The following FIBCD1 variants were observed in gnomAD, a reference collection of about 807,000 sequenced individuals.
FIBCD1 encodes the protein fibrinogen C domain-containing protein 1.
A neutral mutation model predicts 45.1 loss-of-function variants in FIBCD1; 47 were observed. The ratio of observed to expected loss-of-function variants is 1.04; its 90% CI spans 0.82 to 1.33. FIBCD1 has a LOEUF of 1.33. Ranked by LOEUF, FIBCD1 falls within the 40% of genes most tolerant of loss-of-function variation. The pLI is 0.00. For missense variants in FIBCD1, 653 were observed against 682.2 expected (o/e 0.96, Z 0.48); for synonymous variants, 313 against 308.1 (o/e 1.02, Z -0.17).
At chr9:130,914,771 C>T (rs892035910) in intron 4 of FIBCD1, among the ~76,000 whole-genome samples, 2 of 152,174 alleles carry the variant, frequency 1.3e-5, no homozygotes, top group Admixed American at 6.5e-5. Flanking sequence ...ATTTACGTAA[C>T]TCGCCAGACC....
At chr9:130,920,526 A>G (rs552186056) in intron 4 of FIBCD1, among the ~76,000 whole-genome samples, 28 of 152,274 alleles carry the variant, frequency 1.8e-4, no homozygotes, top group African/African-American at 6.3e-4. Flanking sequence ...AAGCATTTAG[A>G]GAGTGCCGAG....
intron 4 of FIBCD1, among the ~76,000 whole-genome samples, chr9:130,912,089 T>C (rs1052054752): frequency 6.6e-5 from 10 of 151,844 alleles, no homozygotes; most frequent in African/African-American, 2.4e-4. Context: ...AGCCTCATGG[T>C]GGCTCGAGGT....
chr9:130,933,708 T>C, intron 1 of FIBCD1: 3 of 5,272 alleles, frequency 5.7e-4, no homozygotes, highest in Non-Finnish European at 1.0e-3. Flanking sequence ...TTGGGGGTTC[T>C]GGGGAAGCGG....
chr9:130,937,818 G>A (rs1234597164), intron 1 of FIBCD1, among the ~76,000 whole-genome samples: 1 of 152,030 alleles, frequency 6.6e-6, no homozygotes, highest in East Asian at 1.9e-4. Flanking sequence ...CGCTTCCACC[G>A]CACAGCCCTG....
chr9:130,905,589 G>A (rs1831913760), intron 5 of FIBCD1, among the ~76,000 whole-genome samples, 176 bp from the exon 6 acceptor site: 1 of 152,232 alleles, frequency 6.6e-6, no homozygotes, highest in Admixed American at 6.5e-5. Context: ...TGTTGGGCAA[G>A]CCACTGAGGA....
At chr9:130,919,793 G>A (rs1832227637) in intron 4 of FIBCD1, among the ~76,000 whole-genome samples, 2 of 152,216 alleles carry the variant, frequency 1.3e-5, no homozygotes, top group Non-Finnish European at 2.9e-5. Flanking sequence ...GAGCGGAGCA[G>A]GTAGGTATGG....
At chr9:130,915,868 C>T (rs960265809) in intron 4 of FIBCD1, among the ~76,000 whole-genome samples, 3 of 152,178 alleles carry the variant, frequency 2.0e-5, no homozygotes, top group Non-Finnish European at 4.4e-5. Context: ...ATGCAGCCGA[C>T]GTCACCACAC....
rs1391025362 is a variant in FIBCD1 at position 130,922,844 on chromosome 9, G to A, written c.849+900C>T. 6.6e-6 allele frequency among the ~76,000 whole-genome samples: 1 copy of A among 152,092 alleles called. No individual in the cohort carries two copies. Among genetic ancestry groups the A allele is most frequent in the Non-Finnish European group, 1.5e-5 (1 of 68,012 alleles). ...CAGATGTTCCCTGGTAGCCGCGTTAGGTTGCCCCCTCCTCCTGGAATACCT... is the reference window on the plus strand; with the variant it reads ...CAGATGTTCCCTGGTAGCCGCGTTAAGTTGCCCCCTCCTCCTGGAATACCT... On this transcript the variant is annotated intron_variant, in intron 4 of 6. Coordinates refer to ENST00000372338, the MANE Select transcript of FIBCD1 (RefSeq NM_032843.5). The surrounding 1 kb of genome is among the most constrained non-coding windows in gnomAD (Gnocchi z 4.5).
Position 130,905,382 on chromosome 9 carries a change from C to T in FIBCD1, c.978G>A (p.Gln326=). ...GLKRIHALTT[Q]AAYELHVDLE... is the part of the protein sequence containing the mutation. ...GGTCCACGTGCAGCTCGTAGGCAGC[C>T]TGTGTGGTCAGGGCGTGGATCCTCT... The change falls in exon 6 of 7, where the codon CAG becomes CAA. Residue 326 remains glutamine, a synonymous_variant. Transcript: ENST00000372338. 1 of 1,613,934 alleles carries T rather than the reference C, an allele frequency of 6.2e-7. No homozygotes were observed. Among genetic ancestry groups the T allele is most frequent in the Non-Finnish European group, 8.5e-7 (1 of 1,179,938 alleles).
chr9:130,918,327 G>A (rs563723121), intron 4 of FIBCD1, among the ~76,000 whole-genome samples: 1 of 152,212 alleles, frequency 6.6e-6, no homozygotes, highest in Non-Finnish European at 1.5e-5. Context: ...GGAACATTAA[G>A]CAGAGCCTTG....
chr9:130,906,329 G>C (rs1004800422), intron 5 of FIBCD1, among the ~76,000 whole-genome samples: 30 of 152,144 alleles, frequency 2.0e-4, no homozygotes, highest in Non-Finnish European at 4.3e-4. Context: ...TAGTAGCAGC[G>C]AGTGGTATTC....
rs1831864466 is a variant in FIBCD1 at position 130,903,116 on chromosome 9, C to G, written c.*948G>C. Reference sequence around the variant, plus strand: ...GGCCCTCCTGGGAGGCCTCAGGACCCTGGAGTCCCTGGGAAATTGGTGGTG... The same window carrying G: ...GGCCCTCCTGGGAGGCCTCAGGACCGTGGAGTCCCTGGGAAATTGGTGGTG... On this transcript the variant is annotated 3_prime_UTR_variant, in exon 7 of 7. Coordinates refer to ENST00000372338, the MANE Select transcript of FIBCD1 (RefSeq NM_032843.5). The G allele has an allele frequency of 6.6e-6, 1 of 152,446 alleles. No individual in the cohort carries two copies. Among genetic ancestry groups the G allele is most frequent in the Admixed American group, 6.5e-5 (1 of 15,300 alleles). The allele number at this position is 152,446 out of a possible 1,614,324, so 9.4% of individuals were successfully genotyped here.
At chr9:130,928,092 G>A (rs1832387499) in intron 2 of FIBCD1, among the ~76,000 whole-genome samples, 1 of 152,224 alleles carries the variant, frequency 6.6e-6, no homozygotes, top group South Asian at 2.1e-4. Context: ...TTAGGAGCAC[G>A]GCTCGCTGCC....
At chr9:130,940,149 T>G (rs915924426), upstream of FIBCD1, among the ~76,000 whole-genome samples, 1 of 152,188 alleles carries the variant, frequency 6.6e-6, no homozygotes, top group Non-Finnish European at 1.5e-5. Context: ...TCCCGATCCC[T>G]CTACGCGTCC....
chr9:130,905,147 T>C (rs1331384081), intron 6 of FIBCD1, 87 bp downstream of exon 6: 15 of 1,324,800 alleles, frequency 1.1e-5, no homozygotes, highest in Non-Finnish European at 1.4e-5. Context: ...ACATTAGCCT[T>C]GATCATTTTG....
At chr9:130,924,821 C>T (rs907634125) in intron 2 of FIBCD1, among the ~76,000 whole-genome samples, 6 of 152,156 alleles carry the variant, frequency 3.9e-5, no homozygotes, top group Non-Finnish European at 4.4e-5. Context: ...TGACTAGGGG[C>T]GAATGTCCTC....
chr9:130,918,766 G>C (rs113492872), intron 4 of FIBCD1, among the ~76,000 whole-genome samples: 1 of 152,216 alleles, frequency 6.6e-6, no homozygotes, highest in Admixed American at 6.5e-5. Flanking sequence ...GGCTCAGTCA[G>C]GAACAAGGCA....
Position 130,929,968 on chromosome 9 carries a change from C to G in FIBCD1, c.151G>C (p.Val51Leu), listed in dbSNP as rs777609555. The change falls in exon 2 of 7, where the codon GTG becomes CTG. Residue 51 changes from valine to leucine, a missense_variant. Physicochemically the swap from Val to Leu is conservative, Grantham distance 32. Transcript: ENST00000372338. ...GCGTGGGCGTGGTTCAGGAAGAGCA[C>G]GGCACCGGTGACAGCTACAGCCAGC... Reference protein sequence around the residue: ...VLLAVAVTGAVLFLNHAHAPG... With the variant: ...VLLAVAVTGALLFLNHAHAPG... 1 of 1,548,146 alleles carries G rather than the reference C, an allele frequency of 6.5e-7. No individual in the cohort carries two copies. Among genetic ancestry groups the G allele is most frequent in the Non-Finnish European group, 8.7e-7 (1 of 1,145,758 alleles).
chr9:130,906,475 G>A (rs1202995046), intron 5 of FIBCD1, among the ~76,000 whole-genome samples: 1 of 152,170 alleles, frequency 6.6e-6, no homozygotes, highest in Non-Finnish European at 1.5e-5. Context: ...CCAGGTCCAG[G>A]GACCAGGAGC....
Sources: gnomAD v4.1 joint callset for allele counts (sites outside exome capture counted in the v4.1 genomes callset) on GRCh38, gnomAD v4.1.1 for gene constraint, Gnocchi (gnomAD v3.1) non-coding constraint, MANE v1.5 for transcripts, NCBI Gene and HGNC (gene_info 2026-07-23, HGNC 2026-07-21) for gene names.